The following SNX29 variants were observed in gnomAD, a reference collection of about 807,000 sequenced individuals.
SNX29 encodes the protein sorting nexin 29.
A neutral mutation model predicts 102.1 loss-of-function variants in SNX29; 78 were observed. The observed-to-expected ratio is 0.76, with a 90% CI of 0.64 to 0.92. The LOEUF (loss-of-function observed/expected upper bound fraction) is 0.92. SNX29 is among the 40% of genes least tolerant of loss of function. The pLI, the probability that SNX29 is intolerant of heterozygous loss-of-function variation, is 0.00. For missense variants in SNX29, 1,280 were observed against 1,061.7 expected, an observed-to-expected ratio of 1.21 and a Z score of -2.86; for synonymous variants, 580 against 414.5, an observed-to-expected ratio of 1.40 and a Z score of -4.85.
intron 14 of SNX29, among the ~76,000 whole-genome samples, chr16:12,210,744 C>T (rs1278488758): frequency 6.6e-6 from 1 of 151,946 alleles, no homozygotes; most frequent in Non-Finnish European, 1.5e-5. Flanking sequence ...TCCCTCATTC[C>T]CTCCCTACCT....
chr16:12,234,580 A>C (rs1596581292), intron 14 of SNX29, among the ~76,000 whole-genome samples: 1 of 152,082 alleles, frequency 6.6e-6, no homozygotes, highest in African/African-American at 2.4e-5. Flanking sequence ...AGTTGAATTC[A>C]TCTATTTTTT....
intron 18 of SNX29, among the ~76,000 whole-genome samples, chr16:12,438,968 C>T (rs947196057): frequency 1.3e-5 from 2 of 152,190 alleles, no homozygotes; most frequent in African/African-American, 4.8e-5. Flanking sequence ...GAGAGGAAGG[C>T]ACCGGACAGG....
intron 10 of SNX29, among the ~76,000 whole-genome samples, chr16:12,073,460 G>C (rs2051396502): frequency 6.6e-6 from 1 of 152,152 alleles, no homozygotes; most frequent in Non-Finnish European, 1.5e-5. Context: ...GGGTTGTTCA[G>C]TTTCCATGTA....
intron 14 of SNX29, among the ~76,000 whole-genome samples, chr16:12,258,351 A>G (rs988098800): frequency 6.6e-6 from 1 of 151,980 alleles, no homozygotes. Flanking sequence ...CGCACTTGCC[A>G]TTCCCTTTGC....
At chr16:12,027,692 G>A (rs1596632888) in intron 4 of SNX29, 1 of 338,394 alleles carries the variant, frequency 3.0e-6, no homozygotes, top group South Asian at 3.2e-5. Flanking sequence ...CTGGGTTCGG[G>A]GACCTGTAGC....
intron 14 of SNX29, among the ~76,000 whole-genome samples, chr16:12,263,259 G>C (rs1165786953): frequency 6.6e-6 from 1 of 151,896 alleles, no homozygotes; most frequent in Admixed American, 6.6e-5. Context: ...AGCCTCCTGA[G>C]TAGCTGGTAT....
At chr16:12,242,254 G>C (rs554579245) in intron 14 of SNX29, among the ~76,000 whole-genome samples, 33 of 151,578 alleles carry the variant, frequency 2.2e-4, no homozygotes, top group Non-Finnish European at 4.0e-4. Flanking sequence ...TTGACTTCTT[G>C]GGAGGAGAAG....
At position 12,069,109 on chromosome 16, in the gene SNX29, C is replaced by T. The variant is rs1236105027; in HGVS notation, c.1296C>T (p.Leu432=). 1 of 1,613,690 alleles carries T rather than the reference C, an allele frequency of 6.2e-7. No homozygotes were observed. Among genetic ancestry groups the T allele is most frequent in the Non-Finnish European group, 8.5e-7 (1 of 1,179,698 alleles). The part of the protein sequence containing the change: ...ENGTGPEDHV[L]PDPGLRYSVE... ...GGACAGGACCAGAGGACCACGTTCT[C>T]CCAGATCCTGGACTTCGGTACAGGT... The change falls in exon 10 of 21, where the codon CTC becomes CTT. Residue 432 remains leucine (L), a synonymous_variant. Coordinates refer to ENST00000566228, the MANE Select transcript of SNX29 (RefSeq NM_032167.5).
chr16:12,517,764 G>C (rs2089928453), intron 19 of SNX29, among the ~76,000 whole-genome samples: 1 of 152,156 alleles, frequency 6.6e-6, no homozygotes, highest in African/African-American at 2.4e-5. Context: ...ATCCCAGGAA[G>C]CAACGAGTGC....
At chr16:12,264,930 A>G (rs2078882945) in intron 14 of SNX29, among the ~76,000 whole-genome samples, 1 of 152,176 alleles carries the variant, frequency 6.6e-6, no homozygotes, top group Admixed American at 6.5e-5. Flanking sequence ...TCTCACCAAA[A>G]TAGAACCATA....
chr16:12,407,440 T>A (rs1046272245), intron 18 of SNX29, among the ~76,000 whole-genome samples: 7 of 151,994 alleles, frequency 4.6e-5, no homozygotes, highest in Non-Finnish European at 1.0e-4. Flanking sequence ...ATATTTTAGG[T>A]AAAAAGGAAA....
At chr16:12,370,214 T>G (rs1233164266) in intron 16 of SNX29, among the ~76,000 whole-genome samples, 1 of 151,864 alleles carries the variant, frequency 6.6e-6, no homozygotes, top group African/African-American at 2.4e-5. Flanking sequence ...AGAGCAAGAC[T>G]CCATCTCAGA....
intron 14 of SNX29, among the ~76,000 whole-genome samples, chr16:12,233,933 A>T (rs1026688824): frequency 1.3e-5 from 2 of 152,308 alleles, no homozygotes; most frequent in East Asian, 3.9e-4. Flanking sequence ...ATGTATCAGG[A>T]TGGCATTCTC....
chr16:12,566,138 C>T (rs181410181), intron 20 of SNX29, among the ~76,000 whole-genome samples: 36 of 152,360 alleles, frequency 2.4e-4, no homozygotes, highest in Non-Finnish European at 2.6e-4. Context: ...AGAGGGCAGG[C>T]ATTTGCCTAC....
At chr16:12,267,658 C>T (rs1332341284) in intron 14 of SNX29, among the ~76,000 whole-genome samples, 3 of 152,290 alleles carry the variant, frequency 2.0e-5, no homozygotes, top group East Asian at 1.9e-4. Flanking sequence ...GAAAGAGCAG[C>T]GCCTCTGGAA....
rs1201749818 is a variant in SNX29 at position 12,573,264 on chromosome 16, G to A, written c.*4635G>A. ...AAATGTACCTCGATCAGTCATCTCT[G>A]GTATTCCTCACTCTAGCCATGAGCC... On this transcript the variant is annotated 3_prime_UTR_variant, in exon 21 of 21. Transcript: ENST00000566228. 1 of 227,596 alleles carries A rather than the reference G, an allele frequency of 4.4e-6. No homozygotes were observed. Among genetic ancestry groups the A allele is most frequent in the African/African-American group, 2.2e-5 (1 of 45,114 alleles). 14.1% of individuals were successfully genotyped at this position (227,596 alleles called of 1,614,324 possible). A position where few individuals can be genotyped will look rare whatever the true frequency, so the allele number is the denominator to read the frequency against.
intron 13 of SNX29, among the ~76,000 whole-genome samples, chr16:12,164,298 A>C (rs1028779566): frequency 6.6e-6 from 1 of 152,174 alleles, no homozygotes; most frequent in Non-Finnish European, 1.5e-5. Context: ...GGAGTTTGGA[A>C]AACAGAATTT....
At chr16:12,252,387 C>T (rs1463911732) in intron 14 of SNX29, among the ~76,000 whole-genome samples, 1 of 152,204 alleles carries the variant, frequency 6.6e-6, no homozygotes, top group Non-Finnish European at 1.5e-5. Flanking sequence ...TCCTCTGAGC[C>T]CCTGCCCCAC....
chr16:12,233,264 A>C (rs887037004), intron 14 of SNX29, among the ~76,000 whole-genome samples: 3 of 152,250 alleles, frequency 2.0e-5, no homozygotes, highest in African/African-American at 7.2e-5. Flanking sequence ...AGCCTTAAAA[A>C]GAATGAAATC....
Sources: allele counts gnomAD v4.1 joint callset (sites outside exome capture counted in the v4.1 genomes callset), GRCh38; gene constraint gnomAD v4.1.1; transcripts MANE v1.5; gene names NCBI Gene and HGNC (gene_info 2026-07-23, HGNC 2026-07-21).